Variants in RASGRF2 observed in about 807,000 individuals in gnomAD.
The protein encoded by RASGRF2 is ras-specific guanine nucleotide-releasing factor 2.
A neutral mutation model predicts 151.0 loss-of-function variants in RASGRF2; 76 were observed. That is an observed-to-expected ratio of 0.50 (90% CI 0.42 to 0.61). The LOEUF is 0.61. Ranked by LOEUF, RASGRF2 falls within the 20% of genes least tolerant of loss-of-function variation. The pLI is 0.00. For synonymous variants in RASGRF2, 504 were observed against 566.5 expected, an observed-to-expected ratio of 0.89 and a Z score of 1.57; for missense variants, 1,148 against 1,564.6, an observed-to-expected ratio of 0.73 and a Z score of 4.49.
rs1756060791 is a variant in RASGRF2 at position 81,229,195 on chromosome 5, ATCTCT to A, written c.*3428_*3432del. ...TTTGATTTTATCCCCTTGAAAAAAAATCTCTTCACTTTAAAGTATAAAGGTTTTTA... is the reference window on the plus strand; with the variant it reads ...TTTGATTTTATCCCCTTGAAAAAAAATCACTTTAAAGTATAAAGGTTTTTA... On this transcript the variant is annotated 3_prime_UTR_variant, in exon 27 of 27. Coordinates refer to ENST00000265080, the MANE Select transcript of RASGRF2 (RefSeq NM_006909.3). The A allele has an allele frequency of 6.6e-6, 1 of 152,128 alleles. No individual in the cohort carries two copies. Among genetic ancestry groups the A allele is most frequent in the Admixed American group, 6.5e-5 (1 of 15,278 alleles). The allele number at this position is 152,128 out of a possible 1,614,324, so 9.4% of individuals were successfully genotyped here.
intron 12 of RASGRF2, among the ~76,000 whole-genome samples, chr5:81,105,210 A>G (rs1233416147): frequency 6.6e-6 from 1 of 152,176 alleles, no homozygotes; most frequent in Non-Finnish European, 1.5e-5. Flanking sequence ...TAGTGCAGGT[A>G]GGATGACAAG....
intron 18 of RASGRF2, among the ~76,000 whole-genome samples, chr5:81,191,682 TC>T (rs1184957191): frequency 6.6e-6 from 1 of 151,932 alleles, no homozygotes; most frequent in Non-Finnish European, 1.5e-5. Flanking sequence ...AAAAAAAAAT[TC>T]TCTTTTTTTC....
intron 1 of RASGRF2, among the ~76,000 whole-genome samples, chr5:81,022,873 G>T (rs570040835): frequency 2.0e-5 from 3 of 152,212 alleles, no homozygotes; most frequent in African/African-American, 7.2e-5. Flanking sequence ...GTGACAAAGG[G>T]TTGCGTCAGT....
At chr5:81,129,757 A>G (rs1285642273) in intron 17 of RASGRF2, among the ~76,000 whole-genome samples, 1 of 152,220 alleles carries the variant, frequency 6.6e-6, no homozygotes, top group Non-Finnish European at 1.5e-5. Context: ...GTGATTTGCT[A>G]AGACCTTCTC....
rs566244583 is a variant in RASGRF2 at position 81,031,795 on chromosome 5, AG to A, written c.289-11081del. Among the ~76,000 whole-genome samples, 1,018 of 152,332 alleles carry A rather than the reference AG, an allele frequency of 6.7e-3. 11 individuals are homozygous for A. The highest frequency in any genetic ancestry group is 0.044 in the Middle Eastern group (13 of 294). On this transcript the variant is annotated intron_variant, in intron 1 of 26. Coordinates refer to ENST00000265080, the MANE Select transcript of RASGRF2 (RefSeq NM_006909.3). ...GCCAGCAGAAGGCAAAAAATAACTA[AG>A]ATCAGAGCAGAACTGAAGGAGATAG...
intron 17 of RASGRF2, among the ~76,000 whole-genome samples, chr5:81,167,925 T>A (rs1168248987): frequency 6.6e-6 from 1 of 152,136 alleles, no homozygotes; most frequent in Non-Finnish European, 1.5e-5. Flanking sequence ...TGCCAGACAA[T>A]CCTAGTAAAG....
chr5:81,008,554 T>C (rs565834), intron 1 of RASGRF2, among the ~76,000 whole-genome samples: 126,710 of 152,186 alleles, frequency 0.83, 53,290 homozygotes, highest in Middle Eastern at 0.93. Context: ...TAATTTAGCT[T>C]TTCAGCTAAA....
At chr5:81,201,252 T>C (rs1349681430) in intron 18 of RASGRF2, 78 bp from the exon 19 acceptor site, 10 of 1,507,638 alleles carry the variant, frequency 6.6e-6, no homozygotes, top group Non-Finnish European at 8.9e-6. Flanking sequence ...AGAGAATTTA[T>C]CATGGAGAAT....
intron 1 of RASGRF2, among the ~76,000 whole-genome samples, chr5:81,032,898 C>G (rs1407738005): frequency 2.6e-5 from 4 of 152,162 alleles, no homozygotes; most frequent in Non-Finnish European, 5.9e-5. Context: ...TTAGAAAACC[C>G]CATCATCTCA....
At chr5:81,222,669 C>G (rs1433773114) in intron 26 of RASGRF2, among the ~76,000 whole-genome samples, 3 of 151,272 alleles carry the variant, frequency 2.0e-5, no homozygotes, top group Non-Finnish European at 4.4e-5. Flanking sequence ...ATAGCCCCAG[C>G]ATCTTGCACA....
chr5:81,100,211 T>G (rs9942350), intron 12 of RASGRF2, among the ~76,000 whole-genome samples: 50 of 152,156 alleles, frequency 3.3e-4, no homozygotes, highest in African/African-American at 1.1e-3. Context: ...CCGGCCACTA[T>G]TTTTCTAAAT....
chr5:81,033,001 T>C (rs1260452669), intron 1 of RASGRF2, among the ~76,000 whole-genome samples: 1 of 151,974 alleles, frequency 6.6e-6, no homozygotes, highest in African/African-American at 2.4e-5. Context: ...TATACACCAA[T>C]AACAGGCAAA....
At chr5:81,180,150 CGTGT>C (rs752143638) in intron 17 of RASGRF2, 21 bp from the exon 18 acceptor site, 1 of 1,403,436 alleles carries the variant, frequency 7.1e-7, no homozygotes, top group Admixed American at 1.7e-5. Flanking sequence ...AACTGCAACA[CGTGT>C]GTGTTTCTTT....
At chr5:81,201,253 C>T in intron 18 of RASGRF2, 77 bp from the exon 19 acceptor site, 6 of 1,506,666 alleles carry the variant, frequency 4.0e-6, no homozygotes, top group Non-Finnish European at 5.3e-6. Flanking sequence ...GAGAATTTAT[C>T]ATGGAGAATG....
rs1170354075 is a variant in RASGRF2 at position 81,094,909 on chromosome 5, C to A, written c.1672C>A (p.Pro558Thr). 6.2e-7 allele frequency: 1 copy of A among 1,603,006 alleles called. No homozygotes were observed. Among genetic ancestry groups the A allele is most frequent in the Non-Finnish European group, 8.5e-7 (1 of 1,171,204 alleles). Residue 558 changes from proline to threonine, a missense_variant, in exon 12 of 27, where the codon CCT becomes ACT. By Grantham distance (38) the Pro-to-Thr change is conservative. Coordinates refer to ENST00000265080, the MANE Select transcript of RASGRF2 (RefSeq NM_006909.3). The part of the protein sequence containing the change: ...GHLDFKIVVE[P>T]PDAAAFTVVL... Reference sequence around the variant, plus strand: ...CCTGGATTTTAAAATAGTGGTGGAGCCTCCTGACGCTGCCGCCTTCACTGT... The same window carrying A: ...CCTGGATTTTAAAATAGTGGTGGAGACTCCTGACGCTGCCGCCTTCACTGT...
At chr5:81,118,237 A>T (rs1369337761) in intron 15 of RASGRF2, among the ~76,000 whole-genome samples, 1 of 152,200 alleles carries the variant, frequency 6.6e-6, no homozygotes, top group Non-Finnish European at 1.5e-5. Context: ...GCATCCTTTG[A>T]AATCTAGGTG....
chr5:81,109,852 G>T (rs1247337863), intron 13 of RASGRF2, among the ~76,000 whole-genome samples: 1 of 152,090 alleles, frequency 6.6e-6, no homozygotes, highest in African/African-American at 2.4e-5. Context: ...TTAATGAACT[G>T]GAATTGTTCT....
intron 17 of RASGRF2, among the ~76,000 whole-genome samples, chr5:81,155,674 T>C (rs1482915807): frequency 6.6e-6 from 1 of 152,138 alleles, no homozygotes; most frequent in Admixed American, 6.6e-5. Context: ...AGAAGCTGGT[T>C]AGGATTCCAA....
At chr5:81,015,439 A>G (rs1428781623) in intron 1 of RASGRF2, among the ~76,000 whole-genome samples, 1 of 152,088 alleles carries the variant, frequency 6.6e-6, no homozygotes, top group East Asian at 1.9e-4. Context: ...CAAAGGAATC[A>G]GCTCAAAGAG....
Sources: gnomAD v4.1 joint callset for allele counts (sites outside exome capture counted in the v4.1 genomes callset) on GRCh38, gnomAD v4.1.1 for gene constraint, MANE v1.5 for transcripts, NCBI Gene and HGNC (gene_info 2026-07-23, HGNC 2026-07-21) for gene names.